The following GFPT2 variants were observed in gnomAD, a reference collection of about 807,000 sequenced individuals.
GFPT2 encodes the protein glutamine--fructose-6-phosphate transaminase 2.
In GFPT2, 62 loss-of-function variants were observed where a neutral mutation model predicts 85.6. That is an observed-to-expected ratio of 0.72 (90% confidence interval 0.59 to 0.90). GFPT2 has a LOEUF of 0.90. Among genes scored for constraint, GFPT2 ranks in the 40% least tolerant of loss-of-function variants. The probability of loss-of-function intolerance (pLI) is 0.00; values close to 1 mark genes in which losing one functional copy is unlikely to be tolerated. For missense variants in GFPT2, 788 were observed against 893.4 expected (o/e 0.88, Z 1.50); for synonymous variants, 368 against 344.5 (o/e 1.07, Z -0.75).
intron 17 of GFPT2, among the ~76,000 whole-genome samples, chr5:180,304,098 G>A (rs1035831807): frequency 6.6e-6 from 1 of 152,176 alleles, no homozygotes; most frequent in Non-Finnish European, 1.5e-5. Flanking sequence ...TAGCAGCTCA[G>A]GGGAGCTCCC....
intron 18 of GFPT2, 53 bp from the exon 19 acceptor site, chr5:180,301,661 T>TCG (rs1763674779): frequency 2.8e-5 from 40 of 1,408,114 alleles, no homozygotes; most frequent in Middle Eastern, 1.8e-4. Context: ...AGCAACATGC[T>TCG]ACCTCTCACA....
At chr5:180,314,055 A>T in intron 13 of GFPT2, 91 bp from the exon 14 acceptor site, 2 of 1,314,556 alleles carry the variant, frequency 1.5e-6, no homozygotes, top group Non-Finnish European at 2.0e-6. Context: ...TCTTACAGGG[A>T]AATCGGCGCC....
Position 180,330,610 on chromosome 5 carries a change from T to C in GFPT2, c.534+90A>G. On this transcript the variant is annotated intron_variant, in intron 6 of 18. Transcript: ENST00000253778. This position sits in a 1 kb window ranked among gnomAD's most constrained non-coding sequence, Gnocchi z 4.4. ...TTGTCTAACAAGGGCTTATAAAAAA[T>C]GAAGGATTCCTTGGCACTTGCTGCT... The C allele has an allele frequency of 9.2e-7, 1 of 1,085,036 alleles. No homozygotes were observed. Among genetic ancestry groups the C allele is most frequent in the Non-Finnish European group, 1.4e-6 (1 of 725,462 alleles). 67.2% of individuals were successfully genotyped at this position (1,085,036 alleles called of 1,614,324 possible).
rs1254113815 is a variant in GFPT2, at chr5:180,333,356, TC to T, written c.341-1804del. On this transcript the variant is annotated intron_variant, in intron 4 of 18. Coordinates refer to ENST00000253778, the MANE Select transcript of GFPT2 (RefSeq NM_005110.4). ...TTCACGCCATTCTCCTGCCTCCGCC[TC>T]CCGAGTAGCTGGGACCACAGGCACC... is the stretch of plus-strand genomic sequence containing the variant. 3.3e-5 allele frequency among the ~76,000 whole-genome samples: 5 copies of T among 152,128 alleles called. No individual in the cohort carries two copies. In the South Asian group the frequency reaches 8.3e-4, roughly 25 times the overall value.
At chr5:180,301,837 C>G (rs891065725) in intron 18 of GFPT2, among the ~76,000 whole-genome samples, 12 of 151,990 alleles carry the variant, frequency 7.9e-5, no homozygotes, top group Admixed American at 3.3e-4. Flanking sequence ...GTGTCATGAT[C>G]TGTTAACATG....
intron 4 of GFPT2, 102 bp downstream of exon 4, chr5:180,335,726 A>G: frequency 1.7e-6 from 2 of 1,180,876 alleles, no homozygotes; most frequent in Non-Finnish European, 2.4e-6. Context: ...GTAGGCTGAG[A>G]AGTCAGTTAG....
intron 15 of GFPT2, among the ~76,000 whole-genome samples, chr5:180,309,825 T>C (rs1297196748): frequency 6.6e-6 from 1 of 152,078 alleles, no homozygotes; most frequent in African/African-American, 2.4e-5. Flanking sequence ...CCTTTTTTTT[T>C]TTTGAGATGG....
At chr5:180,315,143 T>A (rs1763976067) in intron 13 of GFPT2, among the ~76,000 whole-genome samples, 1 of 152,184 alleles carries the variant, frequency 6.6e-6, no homozygotes, top group African/African-American at 2.4e-5. Flanking sequence ...AGTATTTTAG[T>A]TGTGGTAGTA....
intron 9 of GFPT2, among the ~76,000 whole-genome samples, chr5:180,322,736 TA>T (rs531478659): frequency 6.6e-6 from 1 of 151,982 alleles, no homozygotes; most frequent in South Asian, 2.1e-4. Flanking sequence ...GCCTTTTTTT[TA>T]AAAAAAAAGA....
At chr5:180,347,855 A>T (rs978459493) in intron 1 of GFPT2, among the ~76,000 whole-genome samples, 1 of 151,848 alleles carries the variant, frequency 6.6e-6, no homozygotes, top group Non-Finnish European at 1.5e-5. Context: ...GGCCTGGGGG[A>T]TGGGGAAGAC....
Position 180,323,912 on chromosome 5 carries a change from T to C in GFPT2, c.794+276A>G, listed in dbSNP as rs1467290858. On this transcript the variant is annotated intron_variant, in intron 9 of 18. Transcript: ENST00000253778. The surrounding 1 kb of genome is among the most constrained non-coding windows in gnomAD (Gnocchi z 4.0). Reference sequence around the variant, plus strand: ...TGTGAAATCTCCAAATTTTACAACATTGGCAACTAACCCATTCATTTTGTG... The same window carrying C: ...TGTGAAATCTCCAAATTTTACAACACTGGCAACTAACCCATTCATTTTGTG... Among the ~76,000 whole-genome samples, 1 of 152,228 alleles carries C rather than the reference T, an allele frequency of 6.6e-6. No individual in the cohort carries two copies. The highest frequency in any genetic ancestry group is 1.5e-5 in the Non-Finnish European group (1 of 68,034).
chr5:180,350,883 A>G lies in GFPT2; in HGVS notation c.7+2328T>C, dbSNP rs1764698564. Reference sequence around the variant, plus strand: ...TCTCAGCAGTGTCATCAGCCAAGTGATAAGGAAGGGCCTTAGGTCTCCGCC... The same window carrying G: ...TCTCAGCAGTGTCATCAGCCAAGTGGTAAGGAAGGGCCTTAGGTCTCCGCC... On this transcript the variant is annotated intron_variant, in intron 1 of 18. Coordinates refer to ENST00000253778, the MANE Select transcript of GFPT2 (RefSeq NM_005110.4). Among the ~76,000 whole-genome samples the G allele has an allele frequency of 2.6e-5, 4 of 152,324 alleles. No homozygotes were observed. In the South Asian group the frequency reaches 8.3e-4, roughly 32 times the overall value.
chr5:180,302,342 A>T, intron 18 of GFPT2, 81 bp downstream of exon 18: 2 of 1,002,138 alleles, frequency 2.0e-6, no homozygotes, highest in African/African-American at 1.6e-5. Context: ...ATGACTATTT[A>T]CTCCAAGTAT....
At chr5:180,302,852 C>T (rs1020778151) in intron 17 of GFPT2, among the ~76,000 whole-genome samples, 4 of 152,070 alleles carry the variant, frequency 2.6e-5, no homozygotes, top group African/African-American at 7.2e-5. Flanking sequence ...TTGCCGAGAG[C>T]GGGGCAGACT....
intron 10 of GFPT2, among the ~76,000 whole-genome samples, chr5:180,317,821 G>A (rs1231684164): frequency 6.6e-6 from 1 of 152,040 alleles, no homozygotes; most frequent in Non-Finnish European, 1.5e-5. Flanking sequence ...GATTTGAGTG[G>A]GATTGGATGG....
intron 1 of GFPT2, among the ~76,000 whole-genome samples, chr5:180,347,656 G>A (rs1177622627): frequency 3.3e-5 from 5 of 152,142 alleles, no homozygotes; most frequent in South Asian, 4.2e-4. Flanking sequence ...GAAGGGGCAC[G>A]CAGGCAGGGC....
intron 1 of GFPT2, among the ~76,000 whole-genome samples, chr5:180,348,065 C>T (rs966124398): frequency 6.6e-6 from 1 of 152,312 alleles, no homozygotes; most frequent in South Asian, 2.1e-4. Context: ...ACCACCCACC[C>T]AGGCCAGGAC....
chr5:180,325,857 T>A (rs140169378), intron 7 of GFPT2, among the ~76,000 whole-genome samples: 1 of 152,194 alleles, frequency 6.6e-6, no homozygotes, highest in Non-Finnish European at 1.5e-5. Context: ...GAACCCTGTC[T>A]CTACTAAAAA....
rs931551413 is a variant in GFPT2 at position 180,313,969 on chromosome 5, C to T, written c.1274-5G>A. ...GGAGGGTGTCCGCGGTCTCGCCTGCCGCCCAGGGGCCCTCTCAGTGCCGCG... is the reference window on the plus strand; with the variant it reads ...GGAGGGTGTCCGCGGTCTCGCCTGCTGCCCAGGGGCCCTCTCAGTGCCGCG... On this transcript the variant is annotated splice_polypyrimidine_tract_variant and splice_region_variant and intron_variant, in intron 13 of 18. Coordinates refer to ENST00000253778, the MANE Select transcript of GFPT2 (RefSeq NM_005110.4). 4.4e-6 allele frequency: 7 copies of T among 1,590,516 alleles called. No individual in the cohort carries two copies. Among genetic ancestry groups the T allele is most frequent in the Non-Finnish European group, 4.3e-6 (5 of 1,175,014 alleles).
Sources: gnomAD v4.1 joint callset for allele counts (sites outside exome capture counted in the v4.1 genomes callset) on GRCh38, gnomAD v4.1.1 for gene constraint, Gnocchi (gnomAD v3.1) non-coding constraint, MANE v1.5 for transcripts, NCBI Gene and HGNC (gene_info 2026-07-23, HGNC 2026-07-21) for gene names.